NUFIP2: variants seen among roughly 807,000 people sequenced by gnomAD.
NUFIP2 encodes the protein FMR1-interacting protein NUFIP2.
Under a neutral mutation model 56.9 loss-of-function variants are expected in NUFIP2, and 6 were observed. The observed-to-expected ratio is 0.11, with a 90% CI of 0.06 to 0.21. The LOEUF (loss-of-function observed/expected upper bound fraction) is 0.21, where lower values mean the gene tolerates loss of function less well. NUFIP2 is among the 10% of genes least tolerant of loss of function. The pLI, the probability that NUFIP2 is intolerant of heterozygous loss-of-function variation, is 1.00. For missense variants in NUFIP2, 828 were observed against 826.8 expected, an observed-to-expected ratio of 1.00 and a Z score of -0.02; for synonymous variants, 321 against 298.2, an observed-to-expected ratio of 1.08 and a Z score of -0.79.
chr17:29,275,126 C>T (rs1272334858), intron 2 of NUFIP2, among the ~76,000 whole-genome samples: 1 of 151,954 alleles, frequency 6.6e-6, no homozygotes, highest in East Asian at 1.9e-4. Context: ...TCAGGCAATT[C>T]TCCTGCCTCA....
At chr17:29,277,952 C>T (rs1010154995) in intron 2 of NUFIP2, among the ~76,000 whole-genome samples, 5 of 152,158 alleles carry the variant, frequency 3.3e-5, no homozygotes, top group African/African-American at 1.2e-4. Context: ...GTAGAGGTAG[C>T]AGTGAGCCGA....
Position 29,261,859 on chromosome 17 carries a change from C to T in NUFIP2, c.*2680G>A, listed in dbSNP as rs2069005094. 1 of 152,570 alleles carries T rather than the reference C, an allele frequency of 6.6e-6. No homozygotes were observed. The highest frequency in any genetic ancestry group is 6.5e-5 in the Admixed American group (1 of 15,270). 9.5% of individuals were successfully genotyped at this position (152,570 alleles called of 1,614,324 possible). ...GAAAGTTAACAGACATTCCTAACTA[C>T]ATACCTCTAACCATATAATCAAGGA... On this transcript the variant is annotated 3_prime_UTR_variant, in exon 4 of 4. Coordinates refer to ENST00000225388, the MANE Select transcript of NUFIP2 (RefSeq NM_020772.3).
At position 29,286,127 on chromosome 17, in the gene NUFIP2, T is replaced by C; in HGVS notation, c.1867A>G (p.Ser623Gly). ...VFLSKDYEIE[S>G]QNPLASPTNT... ...GTAGGAGAGGCCAGAGGATTTTGAC[T>C]TTCTATCTCGTAGTCCTTTGAGAGA... The change falls in exon 2 of 4, where the codon AGT (serine) becomes GGT (glycine). Residue 623 changes from serine to glycine, a missense_variant. Ser to Gly is a moderately conservative substitution (Grantham distance 56, BLOSUM62 0). Coordinates refer to ENST00000225388, the MANE Select transcript of NUFIP2 (RefSeq NM_020772.3). 1 of 1,614,164 alleles carries C rather than the reference T, an allele frequency of 6.2e-7. No homozygotes were observed. Among genetic ancestry groups the C allele is most frequent in the East Asian group, 2.2e-5 (1 of 44,882 alleles).
rs558547531 is a variant in NUFIP2 at position 29,275,034 on chromosome 17, G to GT, written c.2003-7505dup. 3.5e-4 allele frequency among the ~76,000 whole-genome samples: 51 copies of GT among 145,566 alleles called. No homozygotes were observed. The South Asian group carries it at 8.8e-3, about 25-fold the overall frequency. On this transcript the variant is annotated intron_variant, in intron 2 of 3. Transcript: ENST00000225388. ...ACGGTCTGAACTCAGTTTTTTTTTT[G>GT]TTTTTTTGAGAAGGAGTTTCACTCT...
At chr17:29,266,043 T>C (rs1256895251) in intron 3 of NUFIP2, among the ~76,000 whole-genome samples, 1 of 152,200 alleles carries the variant, frequency 6.6e-6, no homozygotes, top group Non-Finnish European at 1.5e-5. Flanking sequence ...TGATCTCAGC[T>C]CACTGCAACC....
At chr17:29,274,046 T>G (rs1264165419) in intron 2 of NUFIP2, among the ~76,000 whole-genome samples, 1 of 152,082 alleles carries the variant, frequency 6.6e-6, no homozygotes, top group East Asian at 1.9e-4. Flanking sequence ...GTGAGCTTAC[T>G]CTAGTAAGCA....
At chr17:29,271,948 C>T (rs2069075575) in intron 2 of NUFIP2, among the ~76,000 whole-genome samples, 1 of 151,282 alleles carries the variant, frequency 6.6e-6, no homozygotes, top group African/African-American at 2.4e-5. Context: ...GGGCGGGCAC[C>T]GGTAGTCCTA....
chr17:29,271,366 G>A (rs531388950), intron 2 of NUFIP2, among the ~76,000 whole-genome samples: 1 of 151,602 alleles, frequency 6.6e-6, no homozygotes, highest in South Asian at 2.1e-4. Context: ...GTGAAACCCC[G>A]TCTCTACTAA....
chr17:29,261,415 C>G lies in NUFIP2; in HGVS notation c.*3124G>C, dbSNP rs68097310. The G allele has an allele frequency of 4.5e-5, 4 of 89,738 alleles. No homozygotes were observed. The highest frequency in any genetic ancestry group is 9.7e-5 in the Admixed American group (1 of 10,356). The allele number at this position is 89,738 out of a possible 1,614,324, so 5.6% of individuals were successfully genotyped here. Reference sequence around the variant, plus strand: ...ACACACACATACATACATACATAAACACACACACACACACACACCCCTTTT... The same window carrying G: ...ACACACACATACATACATACATAAAGACACACACACACACACACCCCTTTT... On this transcript the variant is annotated 3_prime_UTR_variant, in exon 4 of 4. Transcript: ENST00000225388.
rs375940958 is a variant in NUFIP2, at chr17:29,260,041, C to A, written c.*4498G>T. On this transcript the variant is annotated 3_prime_UTR_variant, in exon 4 of 4. Transcript: ENST00000225388. ...TTCACCATGAAAGAATCTTGGTGCT[C>A]TGTTGATTAATTACATTAGTAAAAA... 1.3e-5 allele frequency: 2 copies of A among 152,166 alleles called. No homozygotes were observed. Among genetic ancestry groups the A allele is most frequent in the African/African-American group, 4.8e-5 (2 of 41,440 alleles). 9.4% of individuals were successfully genotyped at this position (152,166 alleles called of 1,614,324 possible).
chr17:29,261,079 A>AT lies in NUFIP2; in HGVS notation c.*3459dup, dbSNP rs959356109. On this transcript the variant is annotated 3_prime_UTR_variant, in exon 4 of 4. Transcript: ENST00000225388. ...AAGAGAAAGATAATACACCCTGTGT[A>AT]TTTTGTGGGAAAAGGGGATTATTGA... 2 of 152,132 alleles carry AT rather than the reference A, an allele frequency of 1.3e-5. No homozygotes were observed. The highest frequency in any genetic ancestry group is 4.8e-5 in the African/African-American group (2 of 41,432). 9.4% of individuals were successfully genotyped at this position (152,132 alleles called of 1,614,324 possible). A position where few individuals can be genotyped will look rare whatever the true frequency, so the allele number is the denominator to read the frequency against.
intron 3 of NUFIP2, among the ~76,000 whole-genome samples, chr17:29,266,211 C>A (rs983193815): frequency 2.0e-5 from 3 of 152,188 alleles, no homozygotes; most frequent in Non-Finnish European, 2.9e-5. Flanking sequence ...AGGTGATCCA[C>A]CTGCCTCCGC....
At chr17:29,272,915 C>T (rs539478338) in intron 2 of NUFIP2, among the ~76,000 whole-genome samples, 3 of 151,140 alleles carry the variant, frequency 2.0e-5, no homozygotes, top group South Asian at 4.2e-4. Flanking sequence ...AGCAGTGGTG[C>T]GATCTCAGCT....
intron 2 of NUFIP2, among the ~76,000 whole-genome samples, chr17:29,278,705 T>C (rs1432787143): frequency 6.6e-6 from 1 of 152,206 alleles, no homozygotes; most frequent in Non-Finnish European, 1.5e-5. Context: ...TCTTACAGCA[T>C]AGATGGTTAT....
chr17:29,277,769 T>C (rs558376061), intron 2 of NUFIP2, among the ~76,000 whole-genome samples: 6 of 152,086 alleles, frequency 3.9e-5, no homozygotes, highest in Admixed American at 2.6e-4. Context: ...TCCCAGCACT[T>C]TGGGAGGCCG....
In NUFIP2 at chr17:29,294,126, C is replaced by T. The variant is rs563889864; in HGVS notation, c.-67G>A. 410 of 1,529,632 alleles carry T rather than the reference C, an allele frequency of 2.7e-4. 1 individual carries two copies. Among genetic ancestry groups the T allele is most frequent in the Admixed American group, 2.0e-3 (101 of 51,310 alleles). 94.8% of individuals were successfully genotyped at this position (1,529,632 alleles called of 1,614,324 possible). ...GCACCGTCAGGATCTGAGACTGCTTCTCAGGGCTCACTCAGTATATCTGAG... is the reference window on the plus strand; with the variant it reads ...GCACCGTCAGGATCTGAGACTGCTTTTCAGGGCTCACTCAGTATATCTGAG... On this transcript the variant is annotated 5_prime_UTR_variant, in exon 1 of 4. Transcript: ENST00000225388.
rs183086446 is a variant in NUFIP2, at chr17:29,285,361, C to T, written c.2002+631G>A. On this transcript the variant is annotated intron_variant, in intron 2 of 3. Transcript: ENST00000225388. Reference sequence around the variant, plus strand: ...CTGTAATCCCAGCACTTTGGGAGGCCGTGGGTGGATCACAAGGTCAAGAGG... The same window carrying T: ...CTGTAATCCCAGCACTTTGGGAGGCTGTGGGTGGATCACAAGGTCAAGAGG... Among the ~76,000 whole-genome samples, 86 of 151,500 alleles carry T rather than the reference C, an allele frequency of 5.7e-4. No homozygotes were observed. The East Asian group carries it at 0.014, about 24-fold the overall frequency.
At position 29,293,989 on chromosome 17, in the gene NUFIP2, T is replaced by A. The variant is rs1196948524; in HGVS notation, c.71A>T (p.Gln24Leu). 1 of 1,611,792 alleles carries A rather than the reference T, an allele frequency of 6.2e-7. No homozygotes were observed. The highest frequency in any genetic ancestry group is 2.2e-5 in the East Asian group (1 of 44,894). ...HSHHHPHHHP[Q>L]QQQQQPHHHH... ...GTGGTGCGGCTGCTGCTGCTGCTGCTGAGGGTGATGGTGCGGATGGTGGTG... is the reference window on the plus strand; with the variant it reads ...GTGGTGCGGCTGCTGCTGCTGCTGCAGAGGGTGATGGTGCGGATGGTGGTG... Residue 24 changes from glutamine (Q) to leucine (L), a missense_variant, in exon 1 of 4, where the codon CAG becomes CTG. Gln to Leu is a moderately radical substitution (Grantham distance 113). Around this residue, in one of 3 missense-constraint regions of NUFIP2, gnomAD observed 415 missense variants for 408.7 expected, o/e 1.02. Transcript: ENST00000225388.
chr17:29,270,324 GAAAAAAA>G (rs386385865), intron 2 of NUFIP2, among the ~76,000 whole-genome samples: 1 of 81,380 alleles, frequency 1.2e-5, no homozygotes, highest in African/African-American at 4.1e-5. Context: ...CTAACCTGGA[GAAAAAAA>G]AAAAAAAAAA....
Sources: allele counts gnomAD v4.1 joint callset (sites outside exome capture counted in the v4.1 genomes callset), GRCh38; gene constraint gnomAD v4.1.1; regional missense constraint gnomAD v4.1.1; transcripts MANE v1.5; gene names NCBI Gene and HGNC (gene_info 2026-07-23, HGNC 2026-07-21).